The following IRAG1 variants were observed in gnomAD, a reference collection of about 807,000 sequenced individuals.
The protein encoded by IRAG1 is inositol 1,4,5-triphosphate receptor associated 1.
Under a neutral mutation model 106.2 loss-of-function variants are expected in IRAG1, and 62 were observed. That is an observed-to-expected ratio of 0.58 (90% confidence interval 0.48 to 0.72). The LOEUF (loss-of-function observed/expected upper bound fraction) is 0.72. Ranked by LOEUF, IRAG1 falls within the 30% of genes least tolerant of loss-of-function variation. IRAG1 has a pLI of 0.00. For missense variants in IRAG1, 1,064 were observed against 1,140.7 expected, an observed-to-expected ratio of 0.93 and a Z score of 0.97; for synonymous variants, 462 against 443.9, an observed-to-expected ratio of 1.04 and a Z score of -0.51.
chr11:10,611,291 A>G (rs956300081), intron 10 of IRAG1, among the ~76,000 whole-genome samples: 1 of 152,160 alleles, frequency 6.6e-6, no homozygotes. Context: ...CTGTCCTGGT[A>G]TTTATAGCTC....
intron 10 of IRAG1, among the ~76,000 whole-genome samples, chr11:10,615,587 G>C (rs983177582): frequency 6.6e-6 from 1 of 152,134 alleles, no homozygotes; most frequent in African/African-American, 2.4e-5. Flanking sequence ...ATACACCATG[G>C]AATACTATGC....
rs1333103348 is a variant in IRAG1 at position 10,575,606 on chromosome 11, A to C, written c.*726T>G. ...TTATCCAGAGGTACACACCCAGAGC[A>C]CACTTTTGAAGGGTTGTTGGCTCTG... On this transcript the variant is annotated 3_prime_UTR_variant, in exon 21 of 21. Transcript: ENST00000423302. 6.6e-5 allele frequency: 10 copies of C among 152,222 alleles called. No individual in the cohort carries two copies. The highest frequency in any genetic ancestry group is 2.6e-4 in the Admixed American group (4 of 15,274). The allele number at this position is 152,222 out of a possible 1,614,324, so 9.4% of individuals were successfully genotyped here.
At chr11:10,664,544 TG>T (rs1158119494) in intron 1 of IRAG1, among the ~76,000 whole-genome samples, 2 of 152,170 alleles carry the variant, frequency 1.3e-5, no homozygotes, top group African/African-American at 4.8e-5. Flanking sequence ...TAGTAAAGGC[TG>T]GGCTAACTTG....
Position 10,634,089 on chromosome 11 carries a change from A to T in IRAG1, c.226-18T>A, listed in dbSNP as rs574472899. ...GGAGGACCCTGCCGGTTTAGAACAA[A>T]AACACAGAGTTAGGCTTGGGCTGGT... On this transcript the variant is annotated intron_variant, in intron 2 of 20. Coordinates refer to ENST00000423302, the MANE Select transcript of IRAG1 (RefSeq NM_130385.4). 1 of 1,541,030 alleles carries T rather than the reference A, an allele frequency of 6.5e-7. No individual in the cohort carries two copies. Among genetic ancestry groups the T allele is most frequent in the African/African-American group, 1.4e-5 (1 of 73,680 alleles).
At chr11:10,589,876 A>C (rs1214320119) in intron 18 of IRAG1, among the ~76,000 whole-genome samples, 1 of 152,106 alleles carries the variant, frequency 6.6e-6, no homozygotes, top group Non-Finnish European at 1.5e-5. Context: ...AGTTTCCCTT[A>C]CCAAGGATAA....
intron 9 of IRAG1, among the ~76,000 whole-genome samples, chr11:10,624,252 A>G (rs1856058849): frequency 6.6e-6 from 1 of 151,574 alleles, no homozygotes; most frequent in Admixed American, 6.6e-5. Context: ...TGCTCCTGGA[A>G]ACAGCTTTGG....
intron 10 of IRAG1, among the ~76,000 whole-genome samples, chr11:10,618,356 T>C (rs1466178832): frequency 1.3e-5 from 2 of 152,342 alleles, no homozygotes; most frequent in Non-Finnish European, 2.9e-5. Context: ...GTAGTGACTT[T>C]GTCTATTCTT....
At chr11:10,671,753 A>C (rs1438309380) in intron 1 of IRAG1, among the ~76,000 whole-genome samples, 3 of 149,410 alleles carry the variant, frequency 2.0e-5, no homozygotes, top group South Asian at 4.3e-4. Flanking sequence ...ACAACAACAA[A>C]AACCAGAAAT....
chr11:10,595,517 AT>A (rs1211875571), intron 15 of IRAG1, among the ~76,000 whole-genome samples: 5 of 152,184 alleles, frequency 3.3e-5, no homozygotes, highest in African/African-American at 1.2e-4. Context: ...TCTTAAAATA[AT>A]AACCCTCCCT....
At chr11:10,587,711 C>T (rs903869298) in intron 18 of IRAG1, among the ~76,000 whole-genome samples, 13 of 152,200 alleles carry the variant, frequency 8.5e-5, no homozygotes, top group South Asian at 6.2e-4. Context: ...GCTCTGTGAA[C>T]GGTTCCACAC....
chr11:10,680,347 A>AGG, intron 1 of IRAG1, among the ~76,000 whole-genome samples: 7 of 72,256 alleles, frequency 9.7e-5, no homozygotes, highest in African/African-American at 2.3e-4. Flanking sequence ...GAAGGAAGGA[A>AGG]AGAAAGAAAG....
rs746173740 is a variant in IRAG1 at position 10,626,197 on chromosome 11, C to T, written c.1137G>A (p.Glu379=). The stretch of plus-strand genomic sequence containing the variant: ...GGGGCCGGGACACAGTGGGTGGAAG[C>T]TCAGCTTTGGAGCCAGCCTCGGGCC... ...PMGPEAGSKA[E]LPPTVSRPPL... The change falls in exon 9 of 21, where the codon GAG becomes GAA. Residue 379 remains glutamate (E), a synonymous_variant. Transcript: ENST00000423302. The T allele has an allele frequency of 1.3e-5, 20 of 1,568,836 alleles. No individual in the cohort carries two copies. The East Asian group carries it at 3.6e-4, about 28-fold the overall frequency.
chr11:10,632,088 C>A, intron 3 of IRAG1, 27 bp from the exon 4 acceptor site: 1 of 1,569,930 alleles, frequency 6.4e-7, no homozygotes, highest in South Asian at 1.1e-5. Context: ...TCATCTTGTT[C>A]AGAAAATCAA....
chr11:10,668,744 A>C (rs1470613192), intron 1 of IRAG1, among the ~76,000 whole-genome samples: 2 of 152,216 alleles, frequency 1.3e-5, no homozygotes. Flanking sequence ...CATCCTTTTA[A>C]ACTAAGTCTT....
At chr11:10,622,614 C>G (rs1855918281) in intron 10 of IRAG1, among the ~76,000 whole-genome samples, 1 of 152,148 alleles carries the variant, frequency 6.6e-6, no homozygotes, top group African/African-American at 2.4e-5. Context: ...AAGCGATCCT[C>G]CCACCTCAGC....
chr11:10,593,895 CT>C, intron 16 of IRAG1: 1 of 571,730 alleles, frequency 1.7e-6, no homozygotes, highest in Non-Finnish European at 3.1e-6. Flanking sequence ...TGTATTCAAG[CT>C]GCCTGTAGCA....
At chr11:10,692,214 C>T (rs1184374196) in intron 1 of IRAG1, among the ~76,000 whole-genome samples, 3 of 151,916 alleles carry the variant, frequency 2.0e-5, no homozygotes, top group South Asian at 2.1e-4. Flanking sequence ...CACACATACA[C>T]GCACTATGGA....
intron 2 of IRAG1, among the ~76,000 whole-genome samples, chr11:10,640,007 C>T (rs1031708496): frequency 1.3e-5 from 2 of 152,134 alleles, no homozygotes. Flanking sequence ...GTGAACTGAG[C>T]GGGCCTCTGC....
chr11:10,657,823 C>G lies in IRAG1; in HGVS notation c.68-5641G>C, dbSNP rs1391886885. Among the ~76,000 whole-genome samples the G allele has an allele frequency of 6.6e-6, 1 of 152,152 alleles. No individual in the cohort carries two copies. The highest frequency in any genetic ancestry group is 6.5e-5 in the Admixed American group (1 of 15,286). ...GGAGGGACACTGAGAACTCACCAGT[C>G]TTACCCCTGCACCCATTTTTACCAA... On this transcript the variant is annotated intron_variant, in intron 1 of 20. Coordinates refer to ENST00000423302, the MANE Select transcript of IRAG1 (RefSeq NM_130385.4). This position sits in a 1 kb window ranked among gnomAD's most constrained non-coding sequence, Gnocchi z 4.1.
Sources: allele counts gnomAD v4.1 joint callset (sites outside exome capture counted in the v4.1 genomes callset), GRCh38; gene constraint gnomAD v4.1.1; non-coding constraint Gnocchi (gnomAD v3.1); transcripts MANE v1.5; gene names NCBI Gene and HGNC (gene_info 2026-07-23, HGNC 2026-07-21).